Variants in LYN observed in about 807,000 individuals in gnomAD.
LYN encodes the protein LYN proto-oncogene, Src family tyrosine kinase, also known as tyrosine-protein kinase Lyn.
LYN carries 12 observed loss-of-function variants against 65.0 expected under a neutral mutation model. The ratio of observed to expected loss-of-function variants is 0.18; its 90% CI spans 0.12 to 0.30. The LOEUF is 0.30. LYN is among the 10% of genes least tolerant of loss of function. The pLI, the probability that LYN is intolerant of heterozygous loss-of-function variation, is 1.00. For missense variants in LYN, 380 were observed against 623.2 expected, an observed-to-expected ratio of 0.61 and a Z score of 4.16; for synonymous variants, 222 against 221.2, an observed-to-expected ratio of 1.00 and a Z score of -0.03.
intron 1 of LYN, among the ~76,000 whole-genome samples, chr8:55,918,040 G>C (rs1464180980): frequency 6.6e-6 from 1 of 152,254 alleles, no homozygotes; most frequent in East Asian, 1.9e-4. Flanking sequence ...ATGAAGAGCT[G>C]ACTAAGCAAG....
intron 1 of LYN, among the ~76,000 whole-genome samples, chr8:55,892,055 G>T (rs1804975893): frequency 6.6e-6 from 1 of 152,244 alleles, no homozygotes; most frequent in African/African-American, 2.4e-5. Flanking sequence ...CATGGGTCCT[G>T]GAGAAGGGTC....
chr8:55,998,779 T>C (rs575416984), intron 11 of LYN, among the ~76,000 whole-genome samples: 19 of 152,370 alleles, frequency 1.2e-4, no homozygotes, highest in South Asian at 4.1e-4. Context: ...AAGATGATTC[T>C]TGTTTATTTT....
At chr8:55,966,692 C>T in intron 8 of LYN, 23 bp from the exon 9 acceptor site, 1 of 1,605,936 alleles carries the variant, frequency 6.2e-7, no homozygotes, top group African/African-American at 1.3e-5. Context: ...ATAAAGCATG[C>T]CCGCCTTCTT....
rs536817887 is a variant in LYN at position 56,000,282 on chromosome 8, T to C, written c.1336+733T>C. Among the ~76,000 whole-genome samples the C allele has an allele frequency of 3.5e-4, 54 of 152,272 alleles. 1 individual carries two copies. In the South Asian group the frequency reaches 0.011, roughly 32 times the overall value. ...TCTCTTCAAGAAATAACCACCTTTG[T>C]TTATCAGTGGGAGGCCCTTCTGCTC... On this transcript the variant is annotated intron_variant, in intron 12 of 12. Coordinates refer to ENST00000519728, the MANE Select transcript of LYN (RefSeq NM_002350.4).
chr8:55,928,293 G>A (rs1400192908), intron 1 of LYN, among the ~76,000 whole-genome samples: 1 of 152,138 alleles, frequency 6.6e-6, no homozygotes, highest in East Asian at 1.9e-4. Flanking sequence ...CTATAGGCAA[G>A]CGCCACCACG....
chr8:55,961,690 G>T (rs566433362), intron 8 of LYN, among the ~76,000 whole-genome samples: 59 of 152,048 alleles, frequency 3.9e-4, no homozygotes, highest in African/African-American at 1.4e-3. Context: ...GAGCTTCATT[G>T]TTTTTATGAT....
chr8:55,911,537 C>T (rs1216382110), intron 1 of LYN, among the ~76,000 whole-genome samples: 1 of 151,728 alleles, frequency 6.6e-6, no homozygotes, highest in African/African-American at 2.4e-5. Flanking sequence ...ACCCTGAACT[C>T]GTAGGGGCAG....
At chr8:56,003,386 T>C (rs1808585352) in intron 12 of LYN, among the ~76,000 whole-genome samples, 1 of 152,068 alleles carries the variant, frequency 6.6e-6, no homozygotes, top group South Asian at 2.1e-4. Context: ...TAAAGTACTT[T>C]AGAAGCTATA....
Position 55,880,117 on chromosome 8 carries a change from G to A in LYN, c.-6+14G>A, listed in dbSNP as rs1275056785. The A allele has an allele frequency of 7.6e-6, 2 of 261,596 alleles. No homozygotes were observed. The highest frequency in any genetic ancestry group is 3.3e-5 in the South Asian group (1 of 30,674). The allele number at this position is 261,596 out of a possible 1,614,324, so 16.2% of individuals were successfully genotyped here. On this transcript the variant is annotated intron_variant, in intron 1 of 12. Transcript: ENST00000519728. ...CACCGCGAGCGGGTGAGTCCTCTGC[G>A]CGAGCCCAGGGGTGGGCGCGGGCAC...
chr8:55,943,515 G>T (rs1563521893), intron 2 of LYN, among the ~76,000 whole-genome samples: 1 of 148,218 alleles, frequency 6.7e-6, no homozygotes, highest in Admixed American at 6.8e-5. Context: ...GGTGGAGGTT[G>T]CAGTGAGCCG....
intron 7 of LYN, among the ~76,000 whole-genome samples, chr8:55,953,401 T>G (rs56007716): frequency 6.6e-6 from 1 of 151,912 alleles, no homozygotes; most frequent in African/African-American, 2.4e-5. Context: ...TAATCCAGCA[T>G]TTTGGGAGGC....
intron 1 of LYN, among the ~76,000 whole-genome samples, chr8:55,901,815 G>T (rs768402167): frequency 1.3e-5 from 2 of 152,128 alleles, no homozygotes; most frequent in African/African-American, 4.8e-5. Flanking sequence ...TCATTATCAA[G>T]TTGCATTTCC....
chr8:55,934,816 T>G (rs1806378747), intron 1 of LYN, among the ~76,000 whole-genome samples: 1 of 152,166 alleles, frequency 6.6e-6, no homozygotes, highest in Non-Finnish European at 1.5e-5. Flanking sequence ...ATAGTCAAAG[T>G]GAATGGAGGC....
rs557096436 is a variant in LYN at position 55,886,396 on chromosome 8, C to T, written c.-6+6293C>T. 7.2e-5 allele frequency among the ~76,000 whole-genome samples: 11 copies of T among 152,004 alleles called. 1 individual carries two copies. In the East Asian group the frequency reaches 2.1e-3, roughly 29 times the overall value. ...CTGGGATTACAGGCATGCACCAATG[C>T]ACCACCATGCCCGGCTAATTTTTGT... On this transcript the variant is annotated intron_variant, in intron 1 of 12. Transcript: ENST00000519728.
At chr8:55,952,161 G>A (rs1806969099) in intron 7 of LYN, 46 bp downstream of exon 7, 1 of 1,496,612 alleles carries the variant, frequency 6.7e-7, no homozygotes, top group African/African-American at 1.4e-5. Context: ...TATTTGTTAT[G>A]ATATGTATAA....
At chr8:55,991,110 C>T (rs778184267) in intron 10 of LYN, among the ~76,000 whole-genome samples, 10 of 152,136 alleles carry the variant, frequency 6.6e-5, no homozygotes, top group Non-Finnish European at 1.5e-4. Context: ...AGATGCTGCT[C>T]GGGGTCTGAG....
chr8:55,957,949 AAAAT>A (rs964851043), intron 8 of LYN, among the ~76,000 whole-genome samples: 7 of 152,130 alleles, frequency 4.6e-5, no homozygotes, highest in Admixed American at 1.3e-4. Context: ...CCCATCTCAA[AAAAT>A]AAATAAATAA....
chr8:55,910,320 T>C (rs960602511), intron 1 of LYN, among the ~76,000 whole-genome samples: 6 of 152,214 alleles, frequency 3.9e-5, no homozygotes, highest in African/African-American at 1.4e-4. Flanking sequence ...AGTTGATTTT[T>C]GTATATGGTA....
chr8:55,963,296 T>C (rs1402016949), intron 8 of LYN, among the ~76,000 whole-genome samples: 1 of 152,240 alleles, frequency 6.6e-6, no homozygotes, highest in Non-Finnish European at 1.5e-5. Context: ...CAACTTATTT[T>C]GCAAAGTGCT....
Sources: allele counts gnomAD v4.1 joint callset (sites outside exome capture counted in the v4.1 genomes callset), GRCh38; gene constraint gnomAD v4.1.1; transcripts MANE v1.5; gene names NCBI Gene and HGNC (gene_info 2026-07-23, HGNC 2026-07-21).